STRN4: variants seen among roughly 807,000 people sequenced by gnomAD.
STRN4 encodes striatin-4.
Under a neutral mutation model 77.9 loss-of-function variants are expected in STRN4, and 27 were observed. The ratio of observed to expected loss-of-function variants is 0.35; its 90% CI spans 0.26 to 0.48. The LOEUF is 0.48. STRN4 is among the 20% of genes least tolerant of loss of function. The pLI, the probability that STRN4 is intolerant of heterozygous loss-of-function variation, is 0.99. For synonymous variants in STRN4, 466 were observed against 443.1 expected (o/e 1.05, Z -0.65); for missense variants, 798 against 1,049.7 (o/e 0.76, Z 3.31).
At chr19:46,724,628 G>A (rs910830898) in intron 12 of STRN4, among the ~76,000 whole-genome samples, 179 bp downstream of exon 12, 1 of 152,380 alleles carries the variant, frequency 6.6e-6, no homozygotes, top group Non-Finnish European at 1.5e-5. Flanking sequence ...CATCCCGGCT[G>A]GCTCGTCCCT....
At chr19:46,744,787 A>C (rs762641727) in intron 1 of STRN4, among the ~76,000 whole-genome samples, 2 of 151,830 alleles carry the variant, frequency 1.3e-5, no homozygotes, top group Non-Finnish European at 2.9e-5. Flanking sequence ...ACAAGCAGGT[A>C]ATGACAATTT....
intron 16 of STRN4, 29 bp from the exon 17 acceptor site, chr19:46,720,800 G>A: frequency 6.6e-7 from 1 of 1,525,354 alleles, no homozygotes; most frequent in African/African-American, 1.4e-5. Context: ...CAGAAGGGGT[G>A]GTCACTGGGC....
chr19:46,728,531 ACAGGAAG>A (rs2054176795), intron 7 of STRN4, 80 bp downstream of exon 7: 1 of 1,499,624 alleles, frequency 6.7e-7, no homozygotes, highest in African/African-American at 1.4e-5. Flanking sequence ...GAGACCCTGT[ACAGGAAG>A]CAGCTGCGGG....
intron 16 of STRN4, chr19:46,721,738 A>G (rs754659499): frequency 4.1e-6 from 2 of 482,996 alleles, no homozygotes; most frequent in Non-Finnish European, 7.6e-6. Flanking sequence ...CCACATCTGT[A>G]AACTGGGGAT....
intron 1 of STRN4, among the ~76,000 whole-genome samples, chr19:46,743,026 C>T (rs1051837870): frequency 2.0e-5 from 3 of 152,212 alleles, no homozygotes; most frequent in Admixed American, 6.5e-5. Flanking sequence ...AGCTATGGTG[C>T]AAACATCCCG....
In STRN4 at chr19:46,738,291, G is replaced by C; in HGVS notation, c.387-54C>G. 1 of 1,518,168 alleles carries C rather than the reference G, an allele frequency of 6.6e-7. No individual in the cohort carries two copies. The highest frequency in any genetic ancestry group is 1.1e-5 in the South Asian group (1 of 89,230). 94.0% of individuals were successfully genotyped at this position (1,518,168 alleles called of 1,614,324 possible). On this transcript the variant is annotated intron_variant, in intron 2 of 17. Transcript: ENST00000263280. The surrounding 1 kb of genome is among the most constrained non-coding windows in gnomAD (Gnocchi z 4.5). ...AGATGCGGGAGAGTAGACAGGGTCA[G>C]TAGTTACCTAAGGAATCCAGAATCC...
At chr19:46,746,041 C>CCGGGG in intron 1 of STRN4, 108 bp downstream of exon 1, 1 of 1,184,240 alleles carries the variant, frequency 8.4e-7, no homozygotes, top group Non-Finnish European at 1.1e-6. Context: ...GCCCCCCCGC[C>CCGGGG]GGCCGTCCCG....
At position 46,725,349 on chromosome 19, in the gene STRN4, A is replaced by G; in HGVS notation, c.1455T>C (p.His485=). 6.2e-7 allele frequency: 1 copy of G among 1,614,156 alleles called. No homozygotes were observed. ...KNAALDVEPI[H]AFRAHRGPVL... is the part of the protein sequence containing the mutation. Reference sequence around the variant, plus strand: ...CTCCCTACCTGTGAGCCCGGAAAGCATGTATAGGTTCCACATCTAGCGCCG... The same window carrying G: ...CTCCCTACCTGTGAGCCCGGAAAGCGTGTATAGGTTCCACATCTAGCGCCG... The change falls in exon 11 of 18, where the codon CAT becomes CAC. Residue 485 remains histidine, a synonymous_variant. Coordinates refer to ENST00000263280, the MANE Select transcript of STRN4 (RefSeq NM_013403.3).
In STRN4 at chr19:46,720,180, C is replaced by T. The variant is rs2053943120; in HGVS notation, c.*225G>A. On this transcript the variant is annotated 3_prime_UTR_variant, in exon 18 of 18. Coordinates refer to ENST00000263280, the MANE Select transcript of STRN4 (RefSeq NM_013403.3). ...CAGGGGGAAACCCCGAGGCCATCCTCGGGGGTGATTCCTGAAAGGGGCCCA... is the reference window on the plus strand; with the variant it reads ...CAGGGGGAAACCCCGAGGCCATCCTTGGGGGTGATTCCTGAAAGGGGCCCA... The T allele has an allele frequency of 6.3e-6, 1 of 159,616 alleles. No homozygotes were observed. Among genetic ancestry groups the T allele is most frequent in the African/African-American group, 2.4e-5 (1 of 41,718 alleles). The allele number at this position is 159,616 out of a possible 1,614,324, so 9.9% of individuals were successfully genotyped here.
chr19:46,728,454 G>A (rs762689462), intron 7 of STRN4, 164 bp downstream of exon 7: 9 of 936,024 alleles, frequency 9.6e-6, no homozygotes, highest in South Asian at 5.3e-5. Flanking sequence ...AGGGGCCGGC[G>A]GCCATGACCT....
At chr19:46,721,903 CCT>C in intron 16 of STRN4, 81 bp downstream of exon 16, 1 of 1,541,464 alleles carries the variant, frequency 6.5e-7, no homozygotes, top group Non-Finnish European at 8.9e-7. Context: ...CCCGGGGCCC[CCT>C]GAGCACTTGC....
intron 7 of STRN4, 123 bp downstream of exon 7, chr19:46,728,495 C>G (rs1366128484): frequency 1.5e-6 from 2 of 1,333,032 alleles, no homozygotes; most frequent in African/African-American, 1.5e-5. Context: ...CTACCCTCCT[C>G]TCAGGAAACA....
In STRN4 at chr19:46,720,301, G is replaced by A. The variant is rs2053945583; in HGVS notation, c.*104C>T. 1 of 291,654 alleles carries A rather than the reference G, an allele frequency of 3.4e-6. No individual in the cohort carries two copies. The highest frequency in any genetic ancestry group is 2.2e-5 in the African/African-American group (1 of 46,350). 18.1% of individuals were successfully genotyped at this position (291,654 alleles called of 1,614,324 possible). A position where few individuals can be genotyped will look rare whatever the true frequency, so the allele number is the denominator to read the frequency against. On this transcript the variant is annotated 3_prime_UTR_variant, in exon 18 of 18. Transcript: ENST00000263280. ...CCAGGCTCCATGGCAAACAGACAGA[G>A]GCCAGGCCTCTGCACCTCCAGCGAG...
In STRN4 at chr19:46,728,711, T is replaced by C. The variant is rs779485652; in HGVS notation, c.946A>G (p.Ile316Val). ...EDEEDDSEDA[I>V]NEFDFLGSGE... ...GAGCCCAGGAAATCAAACTCATTGA[T>C]AGCATCCTCAGAGTCGTCTTCCTCA... The change falls in exon 7 of 18, where the codon ATC (isoleucine) becomes GTC (valine). Residue 316 changes from isoleucine (I) to valine (V), a missense_variant. By Grantham distance (29) the Ile-to-Val change is conservative (BLOSUM62 3). Transcript: ENST00000263280. The C allele has an allele frequency of 2.0e-5, 33 of 1,614,084 alleles. No homozygotes were observed. The highest frequency in any genetic ancestry group is 2.8e-5 in the Non-Finnish European group (33 of 1,180,020).
In STRN4 at chr19:46,723,412, C is replaced by G; in HGVS notation, c.1595-128G>C. The G allele has an allele frequency of 8.3e-7, 1 of 1,200,138 alleles. No homozygotes were observed. The highest frequency in any genetic ancestry group is 1.5e-5 in the African/African-American group (1 of 65,204). 74.3% of individuals were successfully genotyped at this position (1,200,138 alleles called of 1,614,324 possible). On this transcript the variant is annotated intron_variant, in intron 12 of 17. Coordinates refer to ENST00000263280, the MANE Select transcript of STRN4 (RefSeq NM_013403.3). This position sits in a 1 kb window ranked among gnomAD's most constrained non-coding sequence, Gnocchi z 5.5. ...AATCACCCACGCACCCACTTCACAC[C>G]TGGTGCCCCTCGGAACTGTCCACTG...
chr19:46,724,775 T>C (rs763451823), intron 12 of STRN4, 32 bp downstream of exon 12: 3 of 1,613,572 alleles, frequency 1.9e-6, no homozygotes, highest in Admixed American at 3.3e-5. Context: ...CCCCAGTGGA[T>C]GTGAGGGGAA....
rs772242840 is a variant in STRN4 at position 46,720,710 on chromosome 19, C to T, written c.2154G>A (p.Thr718=). 9 of 1,610,226 alleles carry T rather than the reference C, an allele frequency of 5.6e-6. No individual in the cohort carries two copies. Among genetic ancestry groups the T allele is most frequent in the Middle Eastern group, 3.3e-4 (2 of 6,074 alleles). The change falls in exon 17 of 18, where the codon ACG becomes ACA. Residue 718 remains threonine (T), a synonymous_variant. Transcript: ENST00000263280. ...CCTCCTCGTGCTTCTTGCGGTGGGC[C>T]GTGATCTCCTGCACGCACGTTTTGT... ...LDNKTCVQEI[T]AHRKKHEEAI... is the part of the protein sequence containing the mutation.
At chr19:46,736,478 T>C (rs1427481834) in intron 4 of STRN4, 2 of 218,170 alleles carry the variant, frequency 9.2e-6, no homozygotes, top group South Asian at 4.3e-4. Flanking sequence ...TAAAAAGCCA[T>C]GCTTCATAAA....
intron 8 of STRN4, 30 bp from the exon 9 acceptor site, chr19:46,727,576 G>C (rs1294602669): frequency 6.3e-7 from 1 of 1,582,622 alleles, no homozygotes; most frequent in South Asian, 1.1e-5. Flanking sequence ...ACCTGGTAGG[G>C]GGAGGGGAGG....
Sources: allele counts gnomAD v4.1 joint callset (sites outside exome capture counted in the v4.1 genomes callset), GRCh38; gene constraint gnomAD v4.1.1; non-coding constraint Gnocchi (gnomAD v3.1); transcripts MANE v1.5; gene names NCBI Gene and HGNC (gene_info 2026-07-23, HGNC 2026-07-21).